The following PDSS2 variants were observed in gnomAD, a reference collection of about 807,000 sequenced individuals.
PDSS2 encodes the protein decaprenyl diphosphate synthase subunit 2.
A neutral mutation model predicts 44.5 loss-of-function variants in PDSS2; 31 were observed. The observed-to-expected ratio is 0.70, with a 90% CI of 0.52 to 0.94. PDSS2 has a LOEUF of 0.94. Ranked by LOEUF, PDSS2 falls within the 40% of genes least tolerant of loss-of-function variation. The pLI, the probability that PDSS2 is intolerant of heterozygous loss-of-function variation, is 0.00. For synonymous variants in PDSS2, 157 were observed against 180.3 expected (o/e 0.87, Z 1.03); for missense variants, 452 against 482.2 (o/e 0.94, Z 0.59).
chr6:107,272,688 A>G (rs1473336762), intron 3 of PDSS2, among the ~76,000 whole-genome samples: 1 of 152,222 alleles, frequency 6.6e-6, no homozygotes, highest in Non-Finnish European at 1.5e-5. Flanking sequence ...ATGTATCAAG[A>G]ATACTAAAAA....
At chr6:107,205,798 G>A (rs1202795426) in intron 6 of PDSS2, among the ~76,000 whole-genome samples, 2 of 152,170 alleles carry the variant, frequency 1.3e-5, no homozygotes, top group East Asian at 3.9e-4. Context: ...TGCTGGAGAA[G>A]AGGTGGCACA....
chr6:107,190,096 A>C (rs1277563292), intron 7 of PDSS2, among the ~76,000 whole-genome samples: 1 of 151,414 alleles, frequency 6.6e-6, no homozygotes. Flanking sequence ...AAAAAAAAAA[A>C]CAAAAATAAC....
intron 2 of PDSS2, among the ~76,000 whole-genome samples, chr6:107,288,917 C>G (rs561859864): frequency 6.6e-6 from 1 of 150,860 alleles, no homozygotes; most frequent in Non-Finnish European, 1.5e-5. Context: ...CGCCACCAAG[C>G]CCAGCTAATT....
At chr6:107,193,503 G>A (rs562332548) in intron 7 of PDSS2, among the ~76,000 whole-genome samples, 70 of 152,100 alleles carry the variant, frequency 4.6e-4, no homozygotes, top group African/African-American at 1.6e-3. Flanking sequence ...GCTGACACTT[G>A]ACATTATTTA....
chr6:107,433,076 A>C (rs567384269), intron 1 of PDSS2, among the ~76,000 whole-genome samples: 13 of 152,100 alleles, frequency 8.5e-5, no homozygotes, highest in African/African-American at 3.1e-4. Flanking sequence ...CCAGGAAAAA[A>C]ATTTTTTTTT....
chr6:107,385,781 C>A (rs1038808584), intron 1 of PDSS2, among the ~76,000 whole-genome samples: 4 of 151,054 alleles, frequency 2.6e-5, no homozygotes, highest in African/African-American at 9.7e-5. Context: ...CTGTCTGGAT[C>A]TTTCCTCAAA....
intron 2 of PDSS2, among the ~76,000 whole-genome samples, chr6:107,289,635 G>A (rs1223199596): frequency 6.6e-6 from 1 of 151,936 alleles, no homozygotes; most frequent in Non-Finnish European, 1.5e-5. Flanking sequence ...TGTCGAGGCT[G>A]CAGTCAGCCA....
chr6:107,343,062 C>T (rs537274694), intron 1 of PDSS2, among the ~76,000 whole-genome samples: 5 of 152,270 alleles, frequency 3.3e-5, no homozygotes, highest in African/African-American at 9.6e-5. Flanking sequence ...GTGATCCTCT[C>T]GCCTTGGCCT....
chr6:107,394,539 T>C (rs1392232170), intron 1 of PDSS2, among the ~76,000 whole-genome samples: 1 of 152,084 alleles, frequency 6.6e-6, no homozygotes, highest in Non-Finnish European at 1.5e-5. Flanking sequence ...CCATTCAAGA[T>C]AAACCACCCC....
In PDSS2 at chr6:107,193,862, A is replaced by G. The variant is rs1772465403; in HGVS notation, c.1009-8T>C. On this transcript the variant is annotated splice_polypyrimidine_tract_variant and splice_region_variant and intron_variant, in intron 6 of 7. Transcript: ENST00000369037. ...TCTTCCTTTTTCTTGAGCCTACAAA[A>G]GAAGAGGGGAAAATTAATTTGTTAC... 2 of 1,563,924 alleles carry G rather than the reference A, an allele frequency of 1.3e-6. No homozygotes were observed. Among genetic ancestry groups the G allele is most frequent in the Non-Finnish European group, 1.8e-6 (2 of 1,134,416 alleles).
At chr6:107,309,885 T>C (rs1381377879) in intron 2 of PDSS2, among the ~76,000 whole-genome samples, 8 of 152,222 alleles carry the variant, frequency 5.3e-5, no homozygotes, top group African/African-American at 1.9e-4. Context: ...AATAACGTAC[T>C]ATATTTGTCT....
intron 3 of PDSS2, among the ~76,000 whole-genome samples, chr6:107,272,487 A>G (rs549382959): frequency 6.6e-6 from 1 of 152,334 alleles, no homozygotes; most frequent in African/African-American, 2.4e-5. Context: ...ACAGTAAGAC[A>G]GAAGGAGCCT....
chr6:107,263,209 T>G (rs906182093), intron 3 of PDSS2, among the ~76,000 whole-genome samples: 3 of 152,138 alleles, frequency 2.0e-5, no homozygotes, highest in Non-Finnish European at 4.4e-5. Flanking sequence ...TCTCAGCACT[T>G]TGGGAGGCCG....
chr6:107,389,539 A>T (rs1333439832), intron 1 of PDSS2, among the ~76,000 whole-genome samples: 1 of 152,200 alleles, frequency 6.6e-6, no homozygotes, highest in East Asian at 1.9e-4. Flanking sequence ...ACATCATAGA[A>T]GCCAGATTAC....
At chr6:107,372,910 A>C (rs1779170484) in intron 1 of PDSS2, among the ~76,000 whole-genome samples, 1 of 152,130 alleles carries the variant, frequency 6.6e-6, no homozygotes, top group South Asian at 2.1e-4. Flanking sequence ...CAATGTATAC[A>C]GGTAATTATA....
chr6:107,342,237 G>A (rs546970830), intron 1 of PDSS2, among the ~76,000 whole-genome samples: 45 of 151,594 alleles, frequency 3.0e-4, no homozygotes, highest in African/African-American at 1.1e-3. Flanking sequence ...TCAAGGAGTA[G>A]GCCAGCCAAC....
At position 107,438,658 on chromosome 6, in the gene PDSS2, G is replaced by A. The variant is rs181491187; in HGVS notation, c.296+20332C>T. Among the ~76,000 whole-genome samples, 347 of 152,220 alleles carry A rather than the reference G, an allele frequency of 2.3e-3. 2 individuals are homozygous for A. The highest frequency in any genetic ancestry group is 8.0e-3 in the African/African-American group (334 of 41,528). On this transcript the variant is annotated intron_variant, in intron 1 of 7. Coordinates refer to ENST00000369037, the MANE Select transcript of PDSS2 (RefSeq NM_020381.4). ...ATGAAGGGGAGGCCAAATCCCTTTT[G>A]GAAGGTTTTATTTCCCCCCATTGGA... is the stretch of plus-strand genomic sequence containing the variant.
chr6:107,310,485 T>C (rs1777009727), intron 2 of PDSS2, among the ~76,000 whole-genome samples: 1 of 152,152 alleles, frequency 6.6e-6, no homozygotes, highest in Non-Finnish European at 1.5e-5. Context: ...TATCTGCATA[T>C]TAAGACAACC....
chr6:107,441,067 T>C (rs1390374727), intron 1 of PDSS2, among the ~76,000 whole-genome samples: 1 of 152,236 alleles, frequency 6.6e-6, no homozygotes, highest in East Asian at 1.9e-4. Context: ...AATACAAAAC[T>C]GTGTTGGAAA....
Sources: gnomAD v4.1 joint callset for allele counts (sites outside exome capture counted in the v4.1 genomes callset) on GRCh38, gnomAD v4.1.1 for gene constraint, MANE v1.5 for transcripts, NCBI Gene and HGNC (gene_info 2026-07-23, HGNC 2026-07-21) for gene names.